The following OVCH1 variants were observed in gnomAD, a reference collection of about 807,000 sequenced individuals.
OVCH1 encodes the protein ovochymase-1.
Under a neutral mutation model 138.4 loss-of-function variants are expected in OVCH1, and 139 were observed. The ratio of observed to expected loss-of-function variants is 1.00; its 90% CI spans 0.87 to 1.16. The LOEUF (loss-of-function observed/expected upper bound fraction) is 1.16, where lower values mean the gene tolerates loss of function less well. Ranked by LOEUF, OVCH1 falls within the 50% of genes most tolerant of loss-of-function variation. The pLI, the probability that OVCH1 is intolerant of heterozygous loss-of-function variation, is 0.00. For synonymous variants in OVCH1, 453 were observed against 467.8 expected (o/e 0.97, Z 0.41); for missense variants, 1,367 against 1,357.9 (o/e 1.01, Z -0.11).
chr12:29,425,846 TA>T (rs1941171560), downstream of OVCH1: 1 of 139,916 alleles, frequency 7.1e-6, no homozygotes, highest in South Asian at 2.2e-4. Context: ...CATGTATATT[TA>T]AAAAGAATTA....
intron 22 of OVCH1, among the ~76,000 whole-genome samples, chr12:29,447,005 A>C (rs926202951): frequency 6.6e-6 from 1 of 152,132 alleles, no homozygotes; most frequent in African/African-American, 2.4e-5. Flanking sequence ...AAGCATTAGG[A>C]ATAAATGACA....
rs753442528 is a variant in OVCH1, at chr12:29,464,524, C to T, written c.2108G>A (p.Trp703Ter). Residue 703 changes from tryptophan to a stop codon, truncating the protein, a stop_gained, in exon 18 of 28, where the codon TGG becomes TAG. Coordinates refer to ENST00000318184, the Ensembl canonical transcript of OVCH1. LOFTEE classifies it high-confidence loss of function. ...ATGCTTACCTGCACTGATGCTTCCC[C>T]ATCCGGTCACAGCACAGATCTCCGA... is the stretch of plus-strand genomic sequence containing the variant. The T allele has an allele frequency of 5.4e-5, 87 of 1,613,194 alleles. 1 individual carries two copies. Among genetic ancestry groups the T allele is most frequent in the Non-Finnish European group, 7.1e-5 (84 of 1,179,558 alleles).
exon 11 of OVCH1, chr12:29,477,426 C>T: frequency 6.2e-7 from 1 of 1,613,976 alleles, no homozygotes; most frequent in African/African-American, 1.3e-5. Context: ...GAACCATGGC[C>T]TCACTGGTCT....
exon 24 of OVCH1, chr12:29,444,213 C>A (rs775141905): frequency 6.2e-7 from 1 of 1,612,380 alleles, no homozygotes; most frequent in Non-Finnish European, 8.5e-7. Flanking sequence ...GAAGAACATC[C>A]TCACAAGGGA....
At chr12:29,470,268 A>T (rs536563489) in intron 16 of OVCH1, among the ~76,000 whole-genome samples, 2 of 152,232 alleles carry the variant, frequency 1.3e-5, no homozygotes, top group Admixed American at 6.5e-5. Flanking sequence ...CAGAATCTGC[A>T]GGTTTGTTAT....
At chr12:29,465,285 G>T in intron 16 of OVCH1, 66 bp from the exon 17 acceptor site, 3 of 1,310,452 alleles carry the variant, frequency 2.3e-6, no homozygotes, top group Non-Finnish European at 3.2e-6. Context: ...TTCTCACACT[G>T]CTATAAAGGA....
chr12:29,496,422 G>A (rs1224429895), intron 2 of OVCH1, 134 bp downstream of exon 2: 30 of 1,124,052 alleles, frequency 2.7e-5, no homozygotes, highest in South Asian at 4.7e-5. Context: ...TAGTTCCTAC[G>A]AAGTAAACTT....
chr12:29,459,725 A>G (rs35494573), intron 19 of OVCH1, among the ~76,000 whole-genome samples: 20,758 of 152,142 alleles, frequency 0.14, 1,410 homozygotes, highest in African/African-American at 0.15. Flanking sequence ...TCCCTGTATC[A>G]AAATCTCATG....
At chr12:29,463,534 C>T (rs1942210813) in intron 18 of OVCH1, among the ~76,000 whole-genome samples, 1 of 152,136 alleles carries the variant, frequency 6.6e-6, no homozygotes, top group African/African-American at 2.4e-5. Context: ...CAGAGCTTTC[C>T]AAGCTAGGCT....
intron 19 of OVCH1, among the ~76,000 whole-genome samples, chr12:29,459,932 C>A (rs1346978123): frequency 6.6e-6 from 1 of 152,130 alleles, no homozygotes; most frequent in African/African-American, 2.4e-5. Flanking sequence ...AGGTCTATTA[C>A]CTCTAAGTAT....
chr12:29,449,206 C>A (rs1209094353), intron 22 of OVCH1, among the ~76,000 whole-genome samples: 1 of 151,004 alleles, frequency 6.6e-6, no homozygotes, highest in African/African-American at 2.4e-5. Flanking sequence ...AATATATATT[C>A]TTCCAGCATT....
chr12:29,440,535 T>G, intron 25 of OVCH1: 1 of 290,792 alleles, frequency 3.4e-6, no homozygotes, highest in Non-Finnish European at 6.7e-6. Flanking sequence ...GCAAGCTTGG[T>G]TTCTTAGTAT....
chr12:29,437,224 G>A (rs545794436), intron 26 of OVCH1, among the ~76,000 whole-genome samples: 3 of 152,228 alleles, frequency 2.0e-5, no homozygotes, highest in South Asian at 2.1e-4. Flanking sequence ...AGACAGAAAA[G>A]TTCTCCAAGT....
At chr12:29,431,571 T>A (rs535625822) in intron 27 of OVCH1, among the ~76,000 whole-genome samples, 162 of 104,806 alleles carry the variant, frequency 1.5e-3, no homozygotes, top group African/African-American at 6.8e-3. Context: ...ATTTTCCCCC[T>A]ATTTAATTTA....
chr12:29,467,526 T>A (rs1218494475), intron 16 of OVCH1, among the ~76,000 whole-genome samples: 1 of 152,152 alleles, frequency 6.6e-6, no homozygotes, highest in Non-Finnish European at 1.5e-5. Flanking sequence ...AGTCTTAGGA[T>A]CTTATACCCA....
rs554695034 is a variant in OVCH1, at chr12:29,444,248, GGGAAA to G, written c.2909_2913del (p.Leu970ProfsTer12). On this transcript the variant is annotated frameshift_variant, in exon 24 of 28. Coordinates refer to ENST00000318184, the Ensembl canonical transcript of OVCH1. LOFTEE classifies it high-confidence loss of function. Reference sequence around the variant, plus strand: ...ACCAAGTGCTCTCTGTTTGAACTTTGGGAAAGTCTGGTTATTTTACTGTCCTTTGG... The same window carrying G: ...ACCAAGTGCTCTCTGTTTGAACTTTGGTCTGGTTATTTTACTGTCCTTTGG... 3.1e-4 allele frequency: 492 copies of G among 1,612,224 alleles called. 8 individuals are homozygous for G. The South Asian group carries it at 5.2e-3, about 17-fold the overall frequency.
chr12:29,464,811 A>G, intron 17 of OVCH1, 109 bp from the exon 18 acceptor site: 1 of 931,066 alleles, frequency 1.1e-6, no homozygotes, highest in Non-Finnish European at 1.6e-6. Flanking sequence ...TACATACATA[A>G]ACAATGCAGA....
intron 16 of OVCH1, among the ~76,000 whole-genome samples, chr12:29,471,322 T>C (rs1025857549): frequency 6.6e-6 from 1 of 152,212 alleles, no homozygotes; most frequent in African/African-American, 2.4e-5. Context: ...GGCGGTAGGT[T>C]ATTCTATTGT....
exon 23 of OVCH1, chr12:29,445,339 C>T (rs1768815738): frequency 6.2e-7 from 1 of 1,611,418 alleles, no homozygotes; most frequent in South Asian, 1.1e-5. Flanking sequence ...CATGGAATGT[C>T]ACCCTCACCA....
Sources: gnomAD v4.1 joint callset for allele counts (sites outside exome capture counted in the v4.1 genomes callset) on GRCh38, gnomAD v4.1.1 for gene constraint, MANE v1.5 for transcripts, NCBI Gene and HGNC (gene_info 2026-07-23, HGNC 2026-07-21) for gene names.